The following PLS1 variants were observed in gnomAD, a reference collection of about 807,000 sequenced individuals.
PLS1 encodes the protein plastin-1.
A neutral mutation model predicts 73.7 loss-of-function variants in PLS1; 32 were observed. The ratio of observed to expected loss-of-function variants is 0.43; its 90% confidence interval spans 0.33 to 0.58. The LOEUF is 0.58. Ranked by LOEUF, PLS1 falls within the 20% of genes least tolerant of loss-of-function variation. The pLI is 0.04. For synonymous variants in PLS1, 217 were observed against 261.3 expected, an observed-to-expected ratio of 0.83 and a Z score of 1.63; for missense variants, 633 against 740.5, an observed-to-expected ratio of 0.85 and a Z score of 1.68.
intron 1 of PLS1, among the ~76,000 whole-genome samples, chr3:142,617,654 T>G (rs1325744386): frequency 6.6e-6 from 1 of 152,100 alleles, no homozygotes; most frequent in Non-Finnish European, 1.5e-5. Context: ...CAAAATAAGA[T>G]CCACATGTTG....
chr3:142,645,307 G>A (rs1314917697), intron 1 of PLS1: 5 of 152,294 alleles, frequency 3.3e-5, no homozygotes, highest in African/African-American at 2.4e-5. Flanking sequence ...GAAGGCCAGC[G>A]TTGGATTGTG....
intron 14 of PLS1, among the ~76,000 whole-genome samples, chr3:142,705,764 T>C (rs2038447949): frequency 1.3e-5 from 2 of 152,340 alleles, no homozygotes; most frequent in Admixed American, 1.3e-4. Context: ...TTCAATCTTC[T>C]CATGTTTGCC....
At chr3:142,669,778 G>C (rs2037566038) in intron 3 of PLS1, among the ~76,000 whole-genome samples, 1 of 152,118 alleles carries the variant, frequency 6.6e-6, no homozygotes, top group African/African-American at 2.4e-5. Flanking sequence ...ATGGAAATCA[G>C]GTTTAGATAA....
intron 1 of PLS1, among the ~76,000 whole-genome samples, chr3:142,609,185 A>G (rs2036075523): frequency 6.6e-6 from 1 of 152,224 alleles, no homozygotes; most frequent in Admixed American, 6.5e-5. Context: ...TTCTTTCTAT[A>G]CTACCAAAAT....
At chr3:142,600,994 G>A (rs1207635551) in intron 1 of PLS1, among the ~76,000 whole-genome samples, 1 of 129,672 alleles carries the variant, frequency 7.7e-6, no homozygotes, top group Non-Finnish European at 1.6e-5. Flanking sequence ...CGCAATCTCG[G>A]CTCACTGCAA....
At chr3:142,673,145 G>GA (rs1431148606) in intron 4 of PLS1, among the ~76,000 whole-genome samples, 1 of 151,966 alleles carries the variant, frequency 6.6e-6, no homozygotes, top group African/African-American at 2.4e-5. Context: ...GAGTTCAAGG[G>GA]ATCCTCCCAC....
chr3:142,710,560 A>G (rs550933353), intron 14 of PLS1, among the ~76,000 whole-genome samples: 1 of 152,240 alleles, frequency 6.6e-6, no homozygotes, highest in African/African-American at 2.4e-5. Flanking sequence ...AGAATGCTTG[A>G]CCTAGATTAA....
chr3:142,619,778 A>G (rs557193526), intron 1 of PLS1: 28 of 152,320 alleles, frequency 1.8e-4, no homozygotes, highest in African/African-American at 6.7e-4. Context: ...ATTGCTAATA[A>G]TGTCTCATAT....
chr3:142,597,598 C>T, intron 1 of PLS1, among the ~76,000 whole-genome samples: 1 of 152,152 alleles, frequency 6.6e-6, no homozygotes, highest in East Asian at 1.9e-4. Flanking sequence ...AAATAATATA[C>T]AGCTGGTCTA....
chr3:142,678,086 GA>G lies in PLS1; in HGVS notation c.557del (p.Lys186SerfsTer11). 6.4e-7 allele frequency: 1 copy of G among 1,550,394 alleles called. No homozygotes were observed. Among genetic ancestry groups the G allele is most frequent in the Non-Finnish European group, 8.8e-7 (1 of 1,141,520 alleles). On this transcript the variant is annotated frameshift_variant, in exon 6 of 16. Transcript: ENST00000457734. LOFTEE classifies it high-confidence loss of function. ...DTIDERAINK[K>X]KLTPFTISEN... Reference sequence around the variant, plus strand: ...CAATTGATGAAAGAGCCATCAATAAGAAAAAGCTCACGCCATTCACTATTTC... The same window carrying G: ...CAATTGATGAAAGAGCCATCAATAAGAAAAGCTCACGCCATTCACTATTTC...
chr3:142,644,259 G>GT (rs1340550027), intron 1 of PLS1, among the ~76,000 whole-genome samples: 61 of 148,638 alleles, frequency 4.1e-4, no homozygotes, highest in African/African-American at 9.4e-4. Context: ...TTTGTTTTTT[G>GT]TTTTTTTTTG....
intron 12 of PLS1, among the ~76,000 whole-genome samples, chr3:142,700,338 T>C (rs1166366008): frequency 6.6e-6 from 1 of 152,020 alleles, no homozygotes; most frequent in African/African-American, 2.4e-5. Flanking sequence ...TATTTATTTA[T>C]TTGAGATGGA....
In PLS1 at chr3:142,625,911, C is replaced by T. The variant is rs566875622; in HGVS notation, c.-37+29402C>T. Among the ~76,000 whole-genome samples the T allele has an allele frequency of 4.7e-4, 72 of 152,258 alleles. 1 individual carries two copies. Among genetic ancestry groups the T allele is most frequent in the African/African-American group, 1.7e-3 (69 of 41,560 alleles). On this transcript the variant is annotated intron_variant, in intron 1 of 15. Transcript: ENST00000457734. ...ATTGATTGAGCCCAGGAGTTCGAGG[C>T]AGCAGTGTGCTGTAATTGTGCCACT...
intron 2 of PLS1, among the ~76,000 whole-genome samples, chr3:142,668,321 G>A (rs1459155489): frequency 2.6e-5 from 4 of 152,046 alleles, no homozygotes; most frequent in African/African-American, 9.7e-5. Context: ...TCCAAATATA[G>A]GTGTGAATTT....
rs1039548195 is a variant in PLS1 at position 142,712,121 on chromosome 3, T to C, written c.*114T>C. On this transcript the variant is annotated 3_prime_UTR_variant, in exon 16 of 16. Coordinates refer to ENST00000457734, the MANE Select transcript of PLS1 (RefSeq NM_001145319.2). ...ATTATTTGTATGCTCAAAATAGTTATATATTCATTAATGAATTCAATATCC... is the reference window on the plus strand; with the variant it reads ...ATTATTTGTATGCTCAAAATAGTTACATATTCATTAATGAATTCAATATCC... The C allele has an allele frequency of 1.5e-5, 14 of 930,744 alleles. No homozygotes were observed. The East Asian group carries it at 2.2e-4, about 15-fold the overall frequency. The allele number at this position is 930,744 out of a possible 1,614,324, so 57.7% of individuals were successfully genotyped here. A position where few individuals can be genotyped will look rare whatever the true frequency, so the allele number is the denominator to read the frequency against.
At chr3:142,631,079 A>C (rs1465275402) in intron 1 of PLS1, among the ~76,000 whole-genome samples, 1 of 152,038 alleles carries the variant, frequency 6.6e-6, no homozygotes, top group African/African-American at 2.4e-5. Flanking sequence ...ATCCATATGC[A>C]AAAGAATGAA....
chr3:142,612,307 G>T (rs2108548505), intron 1 of PLS1, among the ~76,000 whole-genome samples: 1 of 152,292 alleles, frequency 6.6e-6, no homozygotes, highest in Admixed American at 6.5e-5. Context: ...TCGGGGCAGG[G>T]CTGGATTTAC....
At chr3:142,602,606 C>T (rs576607317) in intron 1 of PLS1, among the ~76,000 whole-genome samples, 3 of 152,138 alleles carry the variant, frequency 2.0e-5, no homozygotes, top group South Asian at 2.1e-4. Flanking sequence ...AAGGCCCCCC[C>T]CACCCCATAG....
At chr3:142,678,957 T>C (rs2107870879) in intron 6 of PLS1, among the ~76,000 whole-genome samples, 1 of 152,294 alleles carries the variant, frequency 6.6e-6, no homozygotes, top group Middle Eastern at 3.4e-3. Flanking sequence ...TTTTTAATGA[T>C]CGCCATTCTA....
Sources: gnomAD v4.1 joint callset for allele counts (sites outside exome capture counted in the v4.1 genomes callset) on GRCh38, gnomAD v4.1.1 for gene constraint, MANE v1.5 for transcripts, NCBI Gene and HGNC (gene_info 2026-07-23, HGNC 2026-07-21) for gene names.